The following H2BC12 variants were observed in gnomAD, a reference collection of about 807,000 sequenced individuals.
H2BC12 encodes the protein histone H2B type 1-K.
In H2BC12, 6 loss-of-function variants were observed where a neutral mutation model predicts 6.3. The ratio of observed to expected loss-of-function variants is 0.95; its 90% confidence interval spans 0.52 to 1.87. H2BC12 has a LOEUF of 1.87. Ranked by LOEUF, H2BC12 falls within the 40% of genes most tolerant of loss-of-function variation. The probability of loss-of-function intolerance (pLI) is 0.01; values close to 1 mark genes in which losing one functional copy is unlikely to be tolerated. For missense variants in H2BC12, 119 were observed against 178.4 expected, an observed-to-expected ratio of 0.67 and a Z score of 1.90; for synonymous variants, 132 against 78.5, an observed-to-expected ratio of 1.68 and a Z score of -3.60.
In H2BC12 at chr6:27,146,634, G is replaced by C. The variant is rs2113653271; in HGVS notation, c.165C>G (p.Ile55Met). Residue 55 changes from isoleucine (I) to methionine (M), a missense_variant, in exon 1 of 1, where the codon ATC becomes ATG. This residue lies in a region of H2BC12 where 69 missense variants were observed against 141.0 expected (regional missense o/e 0.49). Coordinates refer to ENST00000356950, the MANE Select transcript of H2BC12 (RefSeq NM_001312653.2). ...VLKQVHPDTG[I>M]SSKAMGIMNS... is the part of the protein sequence containing the mutation. ...TCATGATTCCCATGGCCTTAGAGGA[G>C]ATGCCGGTGTCGGGGTGGACCTGCT... 3 of 1,614,292 alleles carry C rather than the reference G, an allele frequency of 1.9e-6. No individual in the cohort carries two copies. Among genetic ancestry groups the C allele is most frequent in the Non-Finnish European group, 2.5e-6 (3 of 1,180,058 alleles).
downstream of H2BC12, among the ~76,000 whole-genome samples, chr6:27,141,851 T>C (rs1322658006): frequency 1.3e-5 from 2 of 152,204 alleles, no homozygotes; most frequent in Non-Finnish European, 2.9e-5. Context: ...TGTAATCCTT[T>C]GCATAGTGCC....
the H2BC12 span, among the ~76,000 whole-genome samples, chr6:27,140,557 G>C: frequency 0.014 from 2,054 of 151,956 alleles, 50 homozygotes; most frequent in African/African-American, 0.045. Flanking sequence ...GTATACAGCT[G>C]TGCATTTTCT....
chr6:27,139,380 C>CGACAACA, the H2BC12 span: 15 of 1,614,124 alleles, frequency 9.3e-6, 1 homozygote, highest in East Asian at 3.3e-4. Context: ...AGGTGCTGCG[C>CGACAACA]GACAACATCC....
At chr6:27,139,031 TTATG>T in the H2BC12 span, 1 of 351,774 alleles carries the variant, frequency 2.8e-6, no homozygotes, top group South Asian at 6.9e-5. Flanking sequence ...TCTTTTTGCT[TTATG>T]TATCTTCTAT....
In H2BC12 at chr6:27,146,380, C is replaced by T; in HGVS notation, c.*38G>A. 1 of 1,613,714 alleles carries T rather than the reference C, an allele frequency of 6.2e-7. No homozygotes were observed. The highest frequency in any genetic ancestry group is 8.5e-7 in the Non-Finnish European group (1 of 1,179,894). On this transcript the variant is annotated 3_prime_UTR_variant, in exon 1 of 1. Transcript: ENST00000356950. ...ATAATTTAAGTGGCTCTTAAAAGAG[C>T]CTTTGGGGTTGGGCTTTAAGACGCT... is the stretch of plus-strand genomic sequence containing the variant.
chr6:27,145,189 G>C (rs1225806326), downstream of H2BC12, among the ~76,000 whole-genome samples: 1 of 152,060 alleles, frequency 6.6e-6, no homozygotes, highest in African/African-American at 2.4e-5. Flanking sequence ...GTGAACATAT[G>C]CTTTGCATGT....
chr6:27,145,969 G>A (rs1358616391), downstream of H2BC12, among the ~76,000 whole-genome samples: 1 of 152,160 alleles, frequency 6.6e-6, no homozygotes, highest in Non-Finnish European at 1.5e-5. Context: ...AAAGCCATAC[G>A]TACTGGAACG....
chr6:27,146,221 G>A (rs1168505328), downstream of H2BC12, among the ~76,000 whole-genome samples: 3 of 152,192 alleles, frequency 2.0e-5, no homozygotes, highest in East Asian at 1.9e-4. Flanking sequence ...AAGTGTATGT[G>A]GCTTCTCCTT....
chr6:27,144,459 CT>C (rs1760044532), downstream of H2BC12, among the ~76,000 whole-genome samples: 5 of 322 alleles, frequency 0.016, no homozygotes, highest in African/African-American at 0.038. Flanking sequence ...GAGACTCTGT[CT>C]GGGGGGGGGG....
At position 27,146,821 on chromosome 6, in the gene H2BC12, G is replaced by A. The variant is rs11757277; in HGVS notation, c.-23C>T. On this transcript the variant is annotated 5_prime_UTR_variant, in exon 1 of 1. Transcript: ENST00000356950. ...CATGTTGAAGGCGAACTACGAGCCTGAGACGAGCAGCAGATCGAGAAAACG... is the reference window on the plus strand; with the variant it reads ...CATGTTGAAGGCGAACTACGAGCCTAAGACGAGCAGCAGATCGAGAAAACG... 1.5e-5 allele frequency: 24 copies of A among 1,610,064 alleles called. No individual in the cohort carries two copies. Among genetic ancestry groups the A allele is most frequent in the East Asian group, 2.2e-5 (1 of 44,846 alleles).
chr6:27,139,626 AT>A, the H2BC12 span: 1 of 1,603,114 alleles, frequency 6.2e-7, no homozygotes, highest in African/African-American at 1.3e-5. Flanking sequence ...GCTAAATGGC[AT>A]TTTGAAGCCC....
chr6:27,141,438 C>T (rs536078103), downstream of H2BC12, among the ~76,000 whole-genome samples: 13 of 151,974 alleles, frequency 8.6e-5, no homozygotes, highest in Non-Finnish European at 1.8e-4. Flanking sequence ...ATGACCCAAA[C>T]TTGTCTTTCT....
chr6:27,138,424 C>A, the H2BC12 span, among the ~76,000 whole-genome samples: 1 of 152,124 alleles, frequency 6.6e-6, no homozygotes, highest in African/African-American at 2.4e-5. Flanking sequence ...GTAATGTAGA[C>A]AATTCTTTGA....
downstream of H2BC12, among the ~76,000 whole-genome samples, chr6:27,143,274 C>T (rs149042407): frequency 1.2e-3 from 177 of 152,150 alleles, no homozygotes; most frequent in African/African-American, 4.1e-3. Context: ...ATTGCTTGAA[C>T]AAAGGAGACA....
At chr6:27,143,622 A>G (rs1474511059), downstream of H2BC12, among the ~76,000 whole-genome samples, 1 of 150,990 alleles carries the variant, frequency 6.6e-6, no homozygotes, top group Non-Finnish European at 1.5e-5. Flanking sequence ...AAGATACTAG[A>G]TAACAGCAGA....
the H2BC12 span, chr6:27,138,664 T>C: frequency 6.6e-6 from 1 of 152,184 alleles, no homozygotes; most frequent in Non-Finnish European, 1.5e-5. Flanking sequence ...ATCAGGAAAT[T>C]CCAGAGAAAG....
chr6:27,139,321 G>A, the H2BC12 span: 2 of 1,609,842 alleles, frequency 1.2e-6, no homozygotes, highest in Non-Finnish European at 1.7e-6. Flanking sequence ...GTCAGGACGC[G>A]GCAAAGGAGG....
Position 27,146,787 on chromosome 6 carries a change from T to C in H2BC12, c.12A>G (p.Pro4=), listed in dbSNP as rs764906911. 5 of 1,614,070 alleles carry C rather than the reference T, an allele frequency of 3.1e-6. No individual in the cohort carries two copies. The highest frequency in any genetic ancestry group is 1.1e-5 in the South Asian group (1 of 91,082). ...TCTTGGGCGCGGGAGCGGACTTCGC[T>C]GGTTCCGGCATGTTGAAGGCGAACT... The part of the protein sequence containing the change: MPE[P]AKSAPAPKKG... Residue 4 remains proline, a synonymous_variant, in exon 1 of 1, where the codon CCA becomes CCG. Transcript: ENST00000356950.
At chr6:27,143,354 A>G (rs1343624098), downstream of H2BC12, among the ~76,000 whole-genome samples, 1 of 148,586 alleles carries the variant, frequency 6.7e-6, no homozygotes, top group African/African-American at 2.6e-5. Flanking sequence ...TGTCTCAAAA[A>G]AAAGAAAAAA....
Sources: gnomAD v4.1 joint callset for allele counts (sites outside exome capture counted in the v4.1 genomes callset) on GRCh38, gnomAD v4.1.1 for gene constraint, gnomAD v4.1.1 regional missense constraint, MANE v1.5 for transcripts, NCBI Gene and HGNC (gene_info 2026-07-23, HGNC 2026-07-21) for gene names.